The following SCTR variants were observed in gnomAD, a reference collection of about 807,000 sequenced individuals.
The protein encoded by SCTR is pancreatic secretin receptor.
In SCTR, 56 loss-of-function variants were observed where a neutral mutation model predicts 60.8. The observed-to-expected ratio is 0.92, with a 90% CI of 0.74 to 1.15. The LOEUF is 1.15. Among genes scored for constraint, SCTR ranks in the 50% most tolerant of loss-of-function variants. SCTR has a pLI of 0.00. For missense variants in SCTR, 562 were observed against 550.4 expected (o/e 1.02, Z -0.21); for synonymous variants, 202 against 217.0 (o/e 0.93, Z 0.61).
intron 1 of SCTR, among the ~76,000 whole-genome samples, chr2:119,506,978 A>G (rs1351748075): frequency 6.6e-6 from 1 of 152,216 alleles, no homozygotes; most frequent in Non-Finnish European, 1.5e-5. Context: ...CTGTCTATAT[A>G]TAGTTTTGCA....
chr2:119,500,570 G>A (rs1348401596), intron 1 of SCTR, among the ~76,000 whole-genome samples: 2 of 152,160 alleles, frequency 1.3e-5, no homozygotes, highest in African/African-American at 4.8e-5. Context: ...TGTCATTTGT[G>A]GCAACACAGT....
At chr2:119,496,951 G>T (rs1216539457) in intron 1 of SCTR, among the ~76,000 whole-genome samples, 1 of 152,162 alleles carries the variant, frequency 6.6e-6, no homozygotes, top group Non-Finnish European at 1.5e-5. Flanking sequence ...GCAAACTCTG[G>T]CCAGGGCAGT....
chr2:119,523,936 C>A (rs1460108464), intron 1 of SCTR, among the ~76,000 whole-genome samples: 2 of 152,154 alleles, frequency 1.3e-5, no homozygotes, highest in East Asian at 3.9e-4. Context: ...CATCTTAGAG[C>A]CGCCTTCGTC....
chr2:119,508,022 A>G (rs1678806103), intron 1 of SCTR, among the ~76,000 whole-genome samples: 1 of 152,132 alleles, frequency 6.6e-6, no homozygotes, highest in Admixed American at 6.6e-5. Context: ...TTTCTCTAGT[A>G]TAATCAAAAC....
intron 1 of SCTR, among the ~76,000 whole-genome samples, chr2:119,499,889 A>T (rs1384287666): frequency 1.3e-5 from 2 of 152,136 alleles, no homozygotes; most frequent in Non-Finnish European, 2.9e-5. Flanking sequence ...CTTATGCAAC[A>T]CAATATTGGA....
intron 1 of SCTR, among the ~76,000 whole-genome samples, chr2:119,517,086 A>G (rs1282501315): frequency 6.6e-6 from 1 of 152,212 alleles, no homozygotes; most frequent in Non-Finnish European, 1.5e-5. Flanking sequence ...AACTTTGTGA[A>G]GAAACATATG....
At chr2:119,520,963 C>G (rs2579616) in intron 1 of SCTR, among the ~76,000 whole-genome samples, 32,669 of 152,126 alleles carry the variant, frequency 0.21, 4,559 homozygotes, top group East Asian at 0.77. Context: ...AAAAATTTGG[C>G]AATGTCTAGA....
chr2:119,473,710 A>G lies in SCTR; in HGVS notation c.302-154T>C, dbSNP rs969572455. ...CAGAACTTGCCCAAGACCACACCCT[A>G]GTAAATAGGGGGAAAGTGATTTGAA... On this transcript the variant is annotated intron_variant, in intron 3 of 12. Coordinates refer to ENST00000019103, the MANE Select transcript of SCTR (RefSeq NM_002980.3). 2.6e-5 allele frequency among the ~76,000 whole-genome samples: 4 copies of G among 152,258 alleles called. No individual in the cohort carries two copies. In the East Asian group the frequency reaches 7.7e-4, roughly 29 times the overall value.
chr2:119,510,333 A>C (rs1158743307), intron 1 of SCTR, among the ~76,000 whole-genome samples: 3 of 152,164 alleles, frequency 2.0e-5, no homozygotes, highest in Non-Finnish European at 2.9e-5. Flanking sequence ...TGTGGTGTCC[A>C]CCAGTGTCTG....
intron 2 of SCTR, chr2:119,487,207 A>G (rs1677907844): frequency 6.6e-6 from 1 of 152,238 alleles, no homozygotes; most frequent in South Asian, 2.1e-4. Context: ...TGGGGTAATG[A>G]AGATATTTTG....
chr2:119,482,945 C>T (rs1222710222), intron 2 of SCTR, among the ~76,000 whole-genome samples: 1 of 152,258 alleles, frequency 6.6e-6, no homozygotes, highest in Non-Finnish European at 1.5e-5. Context: ...CAGCTCGGGT[C>T]AGCCTCTCTT....
chr2:119,513,434 A>G (rs1180703040), intron 1 of SCTR, among the ~76,000 whole-genome samples: 1 of 152,152 alleles, frequency 6.6e-6, no homozygotes, highest in East Asian at 1.9e-4. Context: ...TTAATAAGAG[A>G]TTGTCAGAGA....
At chr2:119,453,563 T>A (rs1167421314) in intron 7 of SCTR, among the ~76,000 whole-genome samples, 1 of 152,146 alleles carries the variant, frequency 6.6e-6, no homozygotes, top group Admixed American at 6.5e-5. Flanking sequence ...TATGGCAGAA[T>A]CAGAAGGATC....
intron 7 of SCTR, among the ~76,000 whole-genome samples, chr2:119,454,854 C>CAA (rs34210976): frequency 0.59 from 85,746 of 144,914 alleles, 26,088 homozygotes; most frequent in Non-Finnish European, 0.68. Context: ...AACTCCATCT[C>CAA]AAAAAAAAAA....
chr2:119,442,136 C>T (rs1054051812), intron 11 of SCTR, among the ~76,000 whole-genome samples: 7 of 152,350 alleles, frequency 4.6e-5, no homozygotes, highest in South Asian at 4.1e-4. Context: ...GCTTAATGGA[C>T]AGGTGGGTGC....
intron 5 of SCTR, among the ~76,000 whole-genome samples, chr2:119,464,801 C>T (rs1683763553): frequency 6.6e-6 from 1 of 152,154 alleles, no homozygotes; most frequent in South Asian, 2.1e-4. Flanking sequence ...CCATCTCCAG[C>T]TCCCAGAATT....
intron 1 of SCTR, among the ~76,000 whole-genome samples, chr2:119,516,457 T>C (rs558974950): frequency 1.3e-4 from 20 of 152,068 alleles, no homozygotes; most frequent in African/African-American, 4.6e-4. Context: ...TGAAATAAGC[T>C]GGTCACAGAA....
At chr2:119,480,461 A>G (rs1361651473) in intron 2 of SCTR, among the ~76,000 whole-genome samples, 1 of 152,212 alleles carries the variant, frequency 6.6e-6, no homozygotes, top group Non-Finnish European at 1.5e-5. Context: ...ACCTTCCACC[A>G]GGTCCCTCCC....
chr2:119,457,000 C>T (rs1157441336), intron 7 of SCTR, among the ~76,000 whole-genome samples: 4 of 152,174 alleles, frequency 2.6e-5, no homozygotes, highest in Non-Finnish European at 4.4e-5. Flanking sequence ...ACCCTGCCAA[C>T]GCGTTGATTT....
Sources: gnomAD v4.1 joint callset for allele counts (sites outside exome capture counted in the v4.1 genomes callset) on GRCh38, gnomAD v4.1.1 for gene constraint, MANE v1.5 for transcripts, NCBI Gene and HGNC (gene_info 2026-07-23, HGNC 2026-07-21) for gene names.